The following CDK16 variants were observed in gnomAD, a reference collection of about 807,000 sequenced individuals.
The protein encoded by CDK16 is cyclin-dependent kinase 16.
CDK16 carries 2 observed loss-of-function variants against 41.6 expected under a neutral mutation model. The ratio of observed to expected loss-of-function variants is 0.05; its 90% CI spans 0.02 to 0.15. The LOEUF (loss-of-function observed/expected upper bound fraction) is 0.15, where lower values mean the gene tolerates loss of function less well. Among genes scored for constraint, CDK16 ranks in the 10% least tolerant of loss-of-function variants. The probability of loss-of-function intolerance (pLI) is 1.00; values close to 1 mark genes in which losing one functional copy is unlikely to be tolerated. For synonymous variants in CDK16, 169 were observed against 169.7 expected (o/e 1.00, Z 0.03); for missense variants, 228 against 428.9 (o/e 0.53, Z 4.14).
intron 14 of CDK16, 72 bp downstream of exon 14, chrX:47,227,541 G>A: frequency 1.3e-6 from 1 of 793,341 alleles, no homozygotes; most frequent in Non-Finnish European, 1.9e-6. Context: ...CAGCTGGCGG[G>A]TTGTGTAGGA....
intron 1 of CDK16, among the ~76,000 whole-genome samples, chrX:47,222,657 G>A (rs1937380940): frequency 1.1e-5 from 1 of 89,619 alleles, no homozygotes; most frequent in African/African-American, 4.1e-5. Flanking sequence ...TGGCGGGGGG[G>A]TGTGGGGGTG....
chrX:47,220,406 G>A (rs182486583), intron 1 of CDK16, among the ~76,000 whole-genome samples: 1 of 107,988 alleles, frequency 9.3e-6, no homozygotes, highest in Non-Finnish European at 1.9e-5. Context: ...TCTGAGCAGA[G>A]AGCAATAGAG....
chrX:47,223,489 G>A, intron 1 of CDK16, 63 bp from the exon 2 acceptor site: 1 of 1,116,292 alleles, frequency 9.0e-7, no homozygotes, highest in Non-Finnish European at 1.2e-6. Context: ...GGGCTTTAGG[G>A]AACCCATGGT....
intron 8 of CDK16, 24 bp from the exon 9 acceptor site, chrX:47,226,255 T>C: frequency 8.3e-7 from 1 of 1,210,169 alleles, no homozygotes; most frequent in East Asian, 3.0e-5. Context: ...CTTTGACCTC[T>C]GCCTGCCATT....
At chrX:47,225,125 C>T in intron 6 of CDK16, 23 bp downstream of exon 6, 1 of 1,044,463 alleles carries the variant, frequency 9.6e-7, no homozygotes, top group Non-Finnish European at 1.3e-6. Flanking sequence ...ATCCCATCTG[C>T]CCCAGGCTTC....
chrX:47,224,146 C>T (rs1425500658), intron 2 of CDK16, among the ~76,000 whole-genome samples: 1 of 111,235 alleles, frequency 9.0e-6, no homozygotes, highest in African/African-American at 3.3e-5. Flanking sequence ...CTCAGCTTGC[C>T]CTTGGAAGGA....
chrX:47,220,773 A>C (rs1171929301), intron 1 of CDK16, among the ~76,000 whole-genome samples: 1 of 111,006 alleles, frequency 9.0e-6, no homozygotes, highest in Non-Finnish European at 1.9e-5. Context: ...TTAGAGATCT[A>C]TCTGTAAGGT....
chrX:47,222,610 C>T (rs1283684628), intron 1 of CDK16, among the ~76,000 whole-genome samples: 2 of 77,405 alleles, frequency 2.6e-5, no homozygotes, highest in African/African-American at 5.3e-5. Context: ...AGGTGGGACT[C>T]TACTGGGTGT....
upstream of CDK16, chrX:47,218,439 C>T: frequency 2.1e-6 from 1 of 472,300 alleles, no homozygotes; most frequent in Non-Finnish European, 3.4e-6. Context: ...GGGGATGTAC[C>T]AAGTGAGACC....
intron 1 of CDK16, among the ~76,000 whole-genome samples, chrX:47,220,531 A>C (rs749122993): frequency 9.1e-6 from 1 of 109,627 alleles, no homozygotes; most frequent in African/African-American, 3.3e-5. Context: ...AATGAGGGTC[A>C]GGCCATGGTA....
rs1394924284 is a variant in CDK16, at chrX:47,218,998, T to C, written c.-114T>C. The C allele has an allele frequency of 1.2e-5, 11 of 885,401 alleles. No homozygotes were observed. The Admixed American group carries it at 5.7e-4, about 46-fold the overall frequency. 73.0% of individuals were successfully genotyped at this position (885,401 alleles called of 1,213,427 possible). On this transcript the variant is annotated 5_prime_UTR_variant, in exon 1 of 16. Transcript: ENST00000357227. ...GCTGAAGACTACTGGGACGGGCGCC[T>C]GCGGCGAACAGGAGGAGAAGGAGGT...
At chrX:47,219,471 C>T (rs921670096) in intron 1 of CDK16, among the ~76,000 whole-genome samples, 11 of 108,825 alleles carry the variant, frequency 1.0e-4, no homozygotes, top group African/African-American at 3.7e-4. Flanking sequence ...CCCGTGTGTG[C>T]TTGTGGAAGG....
intron 9 of CDK16, 68 bp downstream of exon 9, chrX:47,226,470 C>T: frequency 8.4e-7 from 1 of 1,196,596 alleles, no homozygotes; most frequent in Non-Finnish European, 1.1e-6. Flanking sequence ...CTTAGTCTCA[C>T]TTCCCTTCAG....
chrX:47,223,257 C>T (rs1443410022), intron 1 of CDK16: 5 of 1,155,328 alleles, frequency 4.3e-6, no homozygotes, highest in Non-Finnish European at 3.4e-6. Flanking sequence ...TAGATCCCAA[C>T]AATCCATCGT....
At chrX:47,219,205 A>G in intron 1 of CDK16, 100 bp downstream of exon 1, 1 of 739,681 alleles carries the variant, frequency 1.4e-6, no homozygotes, top group Non-Finnish European at 1.6e-6. Flanking sequence ...AGGTGCCCCC[A>G]CCCCCGGCGA....
chrX:47,221,539 C>A (rs1937336627), intron 1 of CDK16, among the ~76,000 whole-genome samples: 1 of 111,227 alleles, frequency 9.0e-6, no homozygotes, highest in African/African-American at 3.3e-5. Context: ...ATGGCTCCTC[C>A]TGGCTTCCTC....
At position 47,228,998 on chromosome X, in the gene CDK16, C is replaced by T. The variant is rs180903143; in HGVS notation, c.*230C>T. ...AGCTCTCATCACTCCTTCACTTGGT[C>T]TGTCTGTCTCTGTCTTGGTAGTTGC... is the stretch of plus-strand genomic sequence containing the variant. On this transcript the variant is annotated 3_prime_UTR_variant, in exon 16 of 16. Coordinates refer to ENST00000357227, the MANE Select transcript of CDK16 (RefSeq NM_006201.5). The T allele has an allele frequency of 3.6e-5, 17 of 475,248 alleles. No homozygotes were observed. The Admixed American group carries it at 4.0e-4, about 11-fold the overall frequency. 39.2% of individuals were successfully genotyped at this position (475,248 alleles called of 1,213,427 possible).
At chrX:47,227,278 A>G in intron 13 of CDK16, 55 bp downstream of exon 13, 2 of 1,114,868 alleles carry the variant, frequency 1.8e-6, no homozygotes, top group East Asian at 3.1e-5. Flanking sequence ...GTGGGGAAAC[A>G]GGGACCCCCC....
chrX:47,226,224 G>A (rs1266374490), intron 8 of CDK16, 55 bp from the exon 9 acceptor site: 2 of 1,202,903 alleles, frequency 1.7e-6, no homozygotes, highest in Admixed American at 2.2e-5. Flanking sequence ...GTGCCTGCTG[G>A]GGGTCGGGCT....
Sources: gnomAD v4.1 joint callset for allele counts (sites outside exome capture counted in the v4.1 genomes callset) on GRCh38, gnomAD v4.1.1 for gene constraint, MANE v1.5 for transcripts, NCBI Gene and HGNC (gene_info 2026-07-23, HGNC 2026-07-21) for gene names.